ITFG1: variants seen among roughly 807,000 people sequenced by gnomAD.
ITFG1 encodes T-cell immunomodulatory protein.
A neutral mutation model predicts 81.8 loss-of-function variants in ITFG1; 34 were observed. The observed-to-expected ratio is 0.42, with a 90% CI of 0.32 to 0.55. The LOEUF (loss-of-function observed/expected upper bound fraction) is 0.55, where lower values mean the gene tolerates loss of function less well. ITFG1 is among the 20% of genes least tolerant of loss of function. The probability of loss-of-function intolerance (pLI) is 0.17; values close to 1 mark genes in which losing one functional copy is unlikely to be tolerated. For missense variants in ITFG1, 672 were observed against 755.4 expected, an observed-to-expected ratio of 0.89 and a Z score of 1.29; for synonymous variants, 285 against 270.6, an observed-to-expected ratio of 1.05 and a Z score of -0.52.
chr16:47,161,937 T>C lies in ITFG1; in HGVS notation c.1579-105A>G. On this transcript the variant is annotated intron_variant, in intron 15 of 17. Coordinates refer to ENST00000320640, the MANE Select transcript of ITFG1 (RefSeq NM_030790.5). ...TCTAGCTACTTTGAGAAATTCAAATTCTAGGTATGGATTAAGCTATGTTTA... is the reference window on the plus strand; with the variant it reads ...TCTAGCTACTTTGAGAAATTCAAATCCTAGGTATGGATTAAGCTATGTTTA... 6.7e-6 allele frequency: 5 copies of C among 742,980 alleles called. No individual in the cohort carries two copies. The South Asian group carries it at 8.8e-5, about 13-fold the overall frequency. 46.0% of individuals were successfully genotyped at this position (742,980 alleles called of 1,614,324 possible). A position where few individuals can be genotyped will look rare whatever the true frequency, so the allele number is the denominator to read the frequency against.
intron 8 of ITFG1, among the ~76,000 whole-genome samples, chr16:47,325,113 C>G (rs1299197455): frequency 6.6e-6 from 1 of 152,152 alleles, no homozygotes; most frequent in Non-Finnish European, 1.5e-5. Flanking sequence ...TGTAGAAGAA[C>G]AGAAATTATA....
intron 6 of ITFG1, among the ~76,000 whole-genome samples, chr16:47,427,557 C>T (rs778708946): frequency 6.6e-6 from 1 of 152,126 alleles, no homozygotes; most frequent in Non-Finnish European, 1.5e-5. Flanking sequence ...ACTTGGGAGG[C>T]GGAGGTTGCA....
rs1235184223 is a variant in ITFG1, at chr16:47,311,392, A to T, written c.918T>A (p.Asp306Glu). ...GMKQWVPVLQ[D>E]FSNKGTLWGF... ...CCCAGAGTGTGCCCTTATTGCTGAAATCTTGTAGGACTGGAACCCACTATG... is the reference window on the plus strand; with the variant it reads ...CCCAGAGTGTGCCCTTATTGCTGAATTCTTGTAGGACTGGAACCCACTATG... Residue 306 changes from aspartate to glutamate, a missense_variant, in exon 10 of 18, where the codon GAT (aspartate) becomes GAA (glutamate). Coordinates refer to ENST00000320640, the MANE Select transcript of ITFG1 (RefSeq NM_030790.5). 12 of 1,612,918 alleles carry T rather than the reference A, an allele frequency of 7.4e-6. No homozygotes were observed. The highest frequency in any genetic ancestry group is 8.5e-6 in the Non-Finnish European group (10 of 1,179,432).
At chr16:47,184,630 G>A (rs867302261) in intron 14 of ITFG1, among the ~76,000 whole-genome samples, 13 of 151,904 alleles carry the variant, frequency 8.6e-5, no homozygotes, top group South Asian at 2.1e-4. Flanking sequence ...TGAAGGAAGC[G>A]CTAAACATGG....
chr16:47,197,697 T>C (rs1373172714), intron 14 of ITFG1, among the ~76,000 whole-genome samples: 1 of 152,200 alleles, frequency 6.6e-6, no homozygotes, highest in Non-Finnish European at 1.5e-5. Context: ...ATCCCTGGTC[T>C]GAGTTGCACA....
chr16:47,230,508 C>T (rs1214566882), intron 13 of ITFG1, among the ~76,000 whole-genome samples: 1 of 152,058 alleles, frequency 6.6e-6, no homozygotes, highest in African/African-American at 2.4e-5. Context: ...CATATGTATA[C>T]ATGTACAGAT....
chr16:47,245,118 G>A (rs372957427), intron 12 of ITFG1, among the ~76,000 whole-genome samples: 5 of 152,052 alleles, frequency 3.3e-5, no homozygotes, highest in Non-Finnish European at 5.9e-5. Context: ...AGGCTGAGGC[G>A]GGTGGACCAC....
At chr16:47,431,680 G>T (rs762811751) in intron 5 of ITFG1, among the ~76,000 whole-genome samples, 3 of 152,122 alleles carry the variant, frequency 2.0e-5, no homozygotes, top group Non-Finnish European at 2.9e-5. Context: ...TACACCTAGG[G>T]ATTCTATGAT....
chr16:47,242,265 T>C (rs1214065570), intron 12 of ITFG1, among the ~76,000 whole-genome samples: 1 of 150,894 alleles, frequency 6.6e-6, no homozygotes, highest in Non-Finnish European at 1.5e-5. Context: ...AGATATCAGT[T>C]AGAAAATAAT....
At position 47,201,912 on chromosome 16, in the gene ITFG1, G is replaced by A. The variant is rs184073559; in HGVS notation, c.1453+16956C>T. ...ATTTTCCTATTAAATTTATCATCTT[G>A]ACTGTGTATCTGACATTTAGTATGT... On this transcript the variant is annotated intron_variant, in intron 14 of 17. Coordinates refer to ENST00000320640, the MANE Select transcript of ITFG1 (RefSeq NM_030790.5). Among the ~76,000 whole-genome samples the A allele has an allele frequency of 5.6e-3, 847 of 152,218 alleles. 7 individuals are homozygous for A. The highest frequency in any genetic ancestry group is 7.9e-3 in the Non-Finnish European group (539 of 67,996).
chr16:47,230,579 A>G (rs1965804974), intron 13 of ITFG1, among the ~76,000 whole-genome samples: 1 of 152,200 alleles, frequency 6.6e-6, no homozygotes, highest in African/African-American at 2.4e-5. Flanking sequence ...TGGAGGCCAG[A>G]TGCATAGGCC....
intron 5 of ITFG1, among the ~76,000 whole-genome samples, chr16:47,443,794 T>C (rs944568446): frequency 1.3e-5 from 2 of 152,172 alleles, no homozygotes; most frequent in Admixed American, 6.5e-5. Flanking sequence ...ATATACCTAA[T>C]CTAAATGACG....
chr16:47,353,404 C>T (rs1001058908), intron 8 of ITFG1, among the ~76,000 whole-genome samples: 2 of 151,798 alleles, frequency 1.3e-5, no homozygotes, highest in African/African-American at 2.4e-5. Flanking sequence ...TACCTCAACA[C>T]AATAAAAACC....
intron 6 of ITFG1, among the ~76,000 whole-genome samples, chr16:47,378,520 G>A (rs908422644): frequency 3.3e-5 from 5 of 152,276 alleles, no homozygotes; most frequent in African/African-American, 9.6e-5. Flanking sequence ...CATAGAAGGT[G>A]AAAATTATGC....
chr16:47,239,295 G>C (rs1310018845), intron 12 of ITFG1, among the ~76,000 whole-genome samples: 1 of 152,040 alleles, frequency 6.6e-6, no homozygotes, highest in African/African-American at 2.4e-5. Flanking sequence ...CCACCTCCTG[G>C]GTTCAAGCGA....
intron 14 of ITFG1, among the ~76,000 whole-genome samples, chr16:47,182,604 G>T (rs1364861168): frequency 6.6e-6 from 1 of 152,138 alleles, no homozygotes; most frequent in Admixed American, 6.5e-5. Context: ...ATGCTTAAAG[G>T]TACAAAAACG....
intron 7 of ITFG1, among the ~76,000 whole-genome samples, chr16:47,366,976 G>A (rs7205849): frequency 0.02 from 3,068 of 152,170 alleles, 102 homozygotes; most frequent in African/African-American, 0.07. Flanking sequence ...ACAGGTTGAG[G>A]GCTCAGTCCC....
At chr16:47,433,973 C>T (rs1204394635) in intron 5 of ITFG1, among the ~76,000 whole-genome samples, 5 of 142,372 alleles carry the variant, frequency 3.5e-5, no homozygotes, top group Admixed American at 7.3e-5. Flanking sequence ...ATCCTTCTAC[C>T]GTTGAAGTTG....
At chr16:47,165,208 AAAGTT>A (rs1398026068) in intron 14 of ITFG1, among the ~76,000 whole-genome samples, 1 of 152,168 alleles carries the variant, frequency 6.6e-6, no homozygotes, top group Non-Finnish European at 1.5e-5. Context: ...TTTAAATGAC[AAAGTT>A]AATTAATATA....
Sources: allele counts gnomAD v4.1 joint callset (sites outside exome capture counted in the v4.1 genomes callset), GRCh38; gene constraint gnomAD v4.1.1; transcripts MANE v1.5; gene names NCBI Gene and HGNC (gene_info 2026-07-23, HGNC 2026-07-21).